CORIN: variants seen among roughly 807,000 people sequenced by gnomAD.
CORIN encodes the protein corin, serine peptidase, also known as atrial natriuretic peptide-converting enzyme.
CORIN carries 117 observed loss-of-function variants against 125.3 expected under a neutral mutation model. That is an observed-to-expected ratio of 0.93 (90% CI 0.80 to 1.09). The LOEUF is 1.09. Ranked by LOEUF, CORIN falls within the 50% of genes least tolerant of loss-of-function variation. The pLI is 0.00. For synonymous variants in CORIN, 450 were observed against 466.4 expected (o/e 0.96, Z 0.45); for missense variants, 1,253 against 1,306.7 (o/e 0.96, Z 0.63).
At chr4:47,619,514 C>T (rs7673938) in intron 19 of CORIN, among the ~76,000 whole-genome samples, 40,960 of 152,112 alleles carry the variant, frequency 0.27, 5,661 homozygotes, top group Admixed American at 0.35. Context: ...CAAGCAAAAG[C>T]TTGTTTAAAG....
chr4:47,758,242 G>C (rs543391279), intron 4 of CORIN, among the ~76,000 whole-genome samples: 1 of 151,772 alleles, frequency 6.6e-6, no homozygotes, highest in Non-Finnish European at 1.5e-5. Context: ...ACCCAATCCT[G>C]CTTACAATAG....
intron 2 of CORIN, among the ~76,000 whole-genome samples, chr4:47,796,314 G>A (rs1024955992): frequency 6.6e-6 from 1 of 152,032 alleles, no homozygotes; most frequent in African/African-American, 2.4e-5. Context: ...TGGCAACATG[G>A]ATGAACCTGG....
intron 16 of CORIN, among the ~76,000 whole-genome samples, chr4:47,633,722 T>G (rs1337964266): frequency 6.6e-6 from 1 of 152,220 alleles, no homozygotes; most frequent in African/African-American, 2.4e-5. Context: ...TTGTTTATCT[T>G]CACATCTTTT....
In CORIN at chr4:47,674,637, G is replaced by A. The variant is rs1724931276; in HGVS notation, c.1250-137C>T. ...TCCTTCCAATTTCTCCAAAAGTATT[G>A]AACGTACGTTGAATAGGTGCTTTCT... is the stretch of plus-strand genomic sequence containing the variant. On this transcript the variant is annotated intron_variant, in intron 9 of 21. Transcript: ENST00000273857. 10 of 628,662 alleles carry A rather than the reference G, an allele frequency of 1.6e-5. No individual in the cohort carries two copies. The South Asian group carries it at 2.0e-4, about 13-fold the overall frequency. 38.9% of individuals were successfully genotyped at this position (628,662 alleles called of 1,614,324 possible). A position where few individuals can be genotyped will look rare whatever the true frequency, so the allele number is the denominator to read the frequency against.
intron 20 of CORIN, among the ~76,000 whole-genome samples, chr4:47,602,035 G>T (rs1479585692): frequency 1.3e-5 from 2 of 151,594 alleles, no homozygotes; most frequent in East Asian, 3.9e-4. Flanking sequence ...TAAGTTTCAG[G>T]TGGGTGGATC....
intron 16 of CORIN, 137 bp from the exon 17 acceptor site, chr4:47,626,658 T>C: frequency 1.5e-6 from 1 of 688,518 alleles, no homozygotes. Context: ...ATTTGGACTG[T>C]TACAAATTGT....
chr4:47,645,624 T>G (rs1332653120), intron 13 of CORIN, among the ~76,000 whole-genome samples: 2 of 151,926 alleles, frequency 1.3e-5, no homozygotes, highest in African/African-American at 4.8e-5. Context: ...GCACAGTGAC[T>G]CACGCCTGTA....
rs143992388 is a variant in CORIN, at chr4:47,641,948, G to A, written c.2170C>T (p.Gln724Ter). The A allele has an allele frequency of 7.4e-5, 119 of 1,613,388 alleles. 1 individual carries two copies. Among genetic ancestry groups the A allele is most frequent in the Non-Finnish European group, 9.3e-5 (110 of 1,179,644 alleles). ...CADGWQEILS[Q>*]LACKQMGLGE... Reference sequence around the variant, plus strand: ...AAACCCATCTGCTTGCAGGCCAGCTGACTCAATATCTCCTGCCAGCCATCT... The same window carrying A: ...AAACCCATCTGCTTGCAGGCCAGCTAACTCAATATCTCCTGCCAGCCATCT... Residue 724 changes from glutamine to a stop codon, truncating the protein, a stop_gained, in exon 16 of 22, where the codon CAG becomes TAG. Transcript: ENST00000273857. LOFTEE classifies it high-confidence loss of function.
intron 4 of CORIN, among the ~76,000 whole-genome samples, chr4:47,754,195 T>C (rs958453483): frequency 6.6e-6 from 1 of 152,246 alleles, no homozygotes; most frequent in Admixed American, 6.5e-5. Context: ...ATCTTACCTA[T>C]GCTTTGAGCT....
At chr4:47,750,224 G>A (rs1433205440) in intron 4 of CORIN, among the ~76,000 whole-genome samples, 2 of 152,208 alleles carry the variant, frequency 1.3e-5, no homozygotes, top group African/African-American at 2.4e-5. Flanking sequence ...GGTATGAGAA[G>A]CAGAAAAGAG....
Position 47,641,952 on chromosome 4 carries a change from C to CAA in CORIN, c.2164_2165dup (p.Leu722PhefsTer2), listed in dbSNP as rs1723249403. ...CCATCTGCTTGCAGGCCAGCTGACT[C>CAA]AATATCTCCTGCCAGCCATCTGCAC... On this transcript the variant is annotated frameshift_variant, in exon 16 of 22. Transcript: ENST00000273857. LOFTEE classifies it high-confidence loss of function. 6.2e-7 allele frequency: 1 copy of CAA among 1,613,574 alleles called. No homozygotes were observed. Among genetic ancestry groups the CAA allele is most frequent in the African/African-American group, 1.3e-5 (1 of 75,006 alleles).
At chr4:47,647,996 T>C (rs1560487892) in intron 13 of CORIN, among the ~76,000 whole-genome samples, 1 of 152,240 alleles carries the variant, frequency 6.6e-6, no homozygotes, top group African/African-American at 2.4e-5. Context: ...TCTTCTCTTT[T>C]CTCATAAAAG....
chr4:47,673,307 C>T (rs1450253721), intron 10 of CORIN, among the ~76,000 whole-genome samples: 4 of 150,030 alleles, frequency 2.7e-5, no homozygotes, highest in Non-Finnish European at 5.9e-5. Context: ...ACCTGGGAGG[C>T]GGAGGTTGCA....
chr4:47,831,586 T>C (rs1308879398), intron 1 of CORIN: 1 of 152,176 alleles, frequency 6.6e-6, no homozygotes, highest in Non-Finnish European at 1.5e-5. Flanking sequence ...TGCATGATGA[T>C]CGTCTGTCCA....
chr4:47,692,264 A>G (rs749651059), intron 6 of CORIN, among the ~76,000 whole-genome samples: 4 of 152,214 alleles, frequency 2.6e-5, no homozygotes, highest in Non-Finnish European at 4.4e-5. Context: ...TTGAATACAG[A>G]TTACTCAGTG....
intron 2 of CORIN, among the ~76,000 whole-genome samples, chr4:47,800,347 A>T (rs1400610454): frequency 6.6e-6 from 1 of 152,138 alleles, no homozygotes; most frequent in Non-Finnish European, 1.5e-5. Context: ...CCCTCTCCTC[A>T]GAGGCCTCTA....
rs1333227627 is a variant in CORIN, at chr4:47,772,109, ATAGATAGG to A, written c.410-8531_410-8524del. On this transcript the variant is annotated intron_variant, in intron 3 of 21. Coordinates refer to ENST00000273857, the MANE Select transcript of CORIN (RefSeq NM_006587.4). ...GATAGATAGATAGATAGATAGATAG[ATAGATAGG>A]TAGATAGATAATTGTCTCTATCTTA... Among the ~76,000 whole-genome samples, 230 of 151,850 alleles carry A rather than the reference ATAGATAGG, an allele frequency of 1.5e-3. 1 individual carries two copies. Among genetic ancestry groups the A allele is most frequent in the African/African-American group, 5.0e-3 (208 of 41,222 alleles).
At chr4:47,624,867 A>G (rs1722486129) in intron 17 of CORIN, among the ~76,000 whole-genome samples, 1 of 142,252 alleles carries the variant, frequency 7.0e-6, no homozygotes, top group African/African-American at 2.5e-5. Context: ...AGAATCCTAG[A>G]TCTATCAGAT....
intron 19 of CORIN, among the ~76,000 whole-genome samples, chr4:47,613,039 A>G (rs1005762051): frequency 4.6e-5 from 7 of 152,234 alleles, no homozygotes; most frequent in Non-Finnish European, 1.0e-4. Context: ...GAGATTCTTA[A>G]AGCAGTCATG....
Sources: allele counts gnomAD v4.1 joint callset (sites outside exome capture counted in the v4.1 genomes callset), GRCh38; gene constraint gnomAD v4.1.1; transcripts MANE v1.5; gene names NCBI Gene and HGNC (gene_info 2026-07-23, HGNC 2026-07-21).